Variants in GAS2 observed in about 807,000 individuals in gnomAD.
The protein encoded by GAS2 is growth arrest-specific protein 2.
Under a neutral mutation model 37.5 loss-of-function variants are expected in GAS2, and 20 were observed. The ratio of observed to expected loss-of-function variants is 0.53; its 90% CI spans 0.37 to 0.77. The LOEUF (loss-of-function observed/expected upper bound fraction) is 0.77. Ranked by LOEUF, GAS2 falls within the 30% of genes least tolerant of loss-of-function variation. The pLI, the probability that GAS2 is intolerant of heterozygous loss-of-function variation, is 0.00. For missense variants in GAS2, 336 were observed against 373.4 expected (o/e 0.90, Z 0.82); for synonymous variants, 144 against 132.2 (o/e 1.09, Z -0.61).
intron 5 of GAS2, among the ~76,000 whole-genome samples, chr11:22,742,032 CTG>C (rs1407328705): frequency 1.3e-5 from 2 of 152,006 alleles, no homozygotes; most frequent in Admixed American, 6.6e-5. Flanking sequence ...AGCTCAAAAA[CTG>C]TGTCAAGTGC....
intron 3 of GAS2, among the ~76,000 whole-genome samples, chr11:22,708,721 G>A (rs947178425): frequency 2.0e-5 from 3 of 152,150 alleles, no homozygotes; most frequent in Non-Finnish European, 4.4e-5. Context: ...GAATAAGGTG[G>A]TGAACAAAAC....
At chr11:22,720,344 G>T (rs1028731324) in intron 3 of GAS2, among the ~76,000 whole-genome samples, 11 of 152,096 alleles carry the variant, frequency 7.2e-5, no homozygotes, top group Admixed American at 5.9e-4. Context: ...CTCACTGCTT[G>T]AGGCACAGGG....
chr11:22,736,612 G>T (rs945969212), intron 4 of GAS2, among the ~76,000 whole-genome samples: 4 of 151,894 alleles, frequency 2.6e-5, no homozygotes, highest in African/African-American at 9.7e-5. Context: ...ATCAAATATT[G>T]CCACTATCAT....
chr11:22,734,779 G>A (rs1267430508), intron 4 of GAS2, among the ~76,000 whole-genome samples: 1 of 151,636 alleles, frequency 6.6e-6, no homozygotes, highest in Non-Finnish European at 1.5e-5. Flanking sequence ...AATATGACCA[G>A]CAAGTATTAG....
At chr11:22,799,764 TAGTA>T (rs1460858523) in intron 7 of GAS2, among the ~76,000 whole-genome samples, 3 of 152,056 alleles carry the variant, frequency 2.0e-5, no homozygotes, top group African/African-American at 7.2e-5. Flanking sequence ...AATGGGGCAT[TAGTA>T]AGTATTAGTT....
chr11:22,777,798 G>A (rs1326019165), intron 7 of GAS2, among the ~76,000 whole-genome samples: 3 of 152,266 alleles, frequency 2.0e-5, no homozygotes, highest in East Asian at 1.9e-4. Flanking sequence ...GGCATTACAC[G>A]GCAATTGGAG....
chr11:22,801,360 G>A (rs1009362138), intron 7 of GAS2, among the ~76,000 whole-genome samples: 5 of 151,776 alleles, frequency 3.3e-5, no homozygotes, highest in African/African-American at 4.8e-5. Context: ...ACATGGGAAA[G>A]TTAACTTATT....
chr11:22,739,988 T>TGAGCACGGTGATTAGG (rs1406042716), intron 5 of GAS2, among the ~76,000 whole-genome samples: 11 of 152,144 alleles, frequency 7.2e-5, no homozygotes, highest in African/African-American at 2.6e-4. Flanking sequence ...TTATATTAAA[T>TGAGCACGGTGATTAGG]GAGCACGGTG....
chr11:22,719,970 A>G (rs558924955), intron 3 of GAS2, among the ~76,000 whole-genome samples: 1 of 152,040 alleles, frequency 6.6e-6, no homozygotes, highest in Non-Finnish European at 1.5e-5. Flanking sequence ...TTTATTGTCC[A>G]TCTTGTAAGC....
At chr11:22,764,215 T>C (rs1270415545) in intron 7 of GAS2, among the ~76,000 whole-genome samples, 2 of 152,130 alleles carry the variant, frequency 1.3e-5, no homozygotes, top group Non-Finnish European at 1.5e-5. Flanking sequence ...AAACAAACTG[T>C]CAAGAATTGC....
chr11:22,727,938 G>T (rs564209897), intron 4 of GAS2, among the ~76,000 whole-genome samples: 1 of 151,936 alleles, frequency 6.6e-6, no homozygotes, highest in South Asian at 2.1e-4. Context: ...TGTTAAGATC[G>T]TGTAAAAATA....
intron 7 of GAS2, among the ~76,000 whole-genome samples, chr11:22,791,803 C>T (rs1714544585): frequency 6.6e-6 from 1 of 152,166 alleles, no homozygotes; most frequent in South Asian, 2.1e-4. Context: ...AAAGTGTTGG[C>T]AACTTAGGAA....
intron 1 of GAS2, among the ~76,000 whole-genome samples, chr11:22,667,500 C>A (rs1336839393): frequency 1.3e-5 from 2 of 151,986 alleles, no homozygotes; most frequent in Admixed American, 6.5e-5. Flanking sequence ...AAACGCTAGC[C>A]GATATATATC....
At chr11:22,760,223 C>T (rs1365248957) in intron 7 of GAS2, among the ~76,000 whole-genome samples, 6 of 151,938 alleles carry the variant, frequency 3.9e-5, no homozygotes, top group Admixed American at 1.3e-4. Flanking sequence ...TCAGGTGATC[C>T]GCCTGCCTTG....
At chr11:22,693,199 T>C (rs969820715) in intron 3 of GAS2, among the ~76,000 whole-genome samples, 10 of 152,146 alleles carry the variant, frequency 6.6e-5, no homozygotes, top group Admixed American at 5.9e-4. Flanking sequence ...AGATGGTGTA[T>C]AGGATAGTAA....
At chr11:22,646,693 A>G (rs995283465) in intron 1 of GAS2, among the ~76,000 whole-genome samples, 5 of 152,190 alleles carry the variant, frequency 3.3e-5, no homozygotes, top group Non-Finnish European at 5.9e-5. Flanking sequence ...TTGTATTTTT[A>G]TGGCATTTCT....
chr11:22,663,611 A>G (rs1848940923), upstream of GAS2, among the ~76,000 whole-genome samples: 1 of 152,186 alleles, frequency 6.6e-6, no homozygotes, highest in Non-Finnish European at 1.5e-5. Context: ...TAAAAAGTTT[A>G]AAGTTCTCCA....
At chr11:22,780,557 C>CAAAAAAAAAA (rs34289288) in intron 7 of GAS2, among the ~76,000 whole-genome samples, 5 of 90,320 alleles carry the variant, frequency 5.5e-5, no homozygotes, top group African/African-American at 2.3e-4. Flanking sequence ...GACTCTGTCT[C>CAAAAAAAAAA]AAAAAAAAAA....
intron 7 of GAS2, among the ~76,000 whole-genome samples, chr11:22,763,956 G>A (rs1854535163): frequency 6.6e-6 from 1 of 152,036 alleles, no homozygotes; most frequent in South Asian, 2.1e-4. Context: ...TTATGTTTTT[G>A]CTTCACTAAA....
Sources: gnomAD v4.1 joint callset for allele counts (sites outside exome capture counted in the v4.1 genomes callset) on GRCh38, gnomAD v4.1.1 for gene constraint, MANE v1.5 for transcripts, NCBI Gene and HGNC (gene_info 2026-07-23, HGNC 2026-07-21) for gene names.